Variants in POU2F1 observed in about 807,000 individuals in gnomAD.
POU2F1 encodes POU class 2 homeobox 1, also known as POU domain, class 2, transcription factor 1.
Under a neutral mutation model 84.9 loss-of-function variants are expected in POU2F1, and 16 were observed. That is an observed-to-expected ratio of 0.19 (90% CI 0.13 to 0.29). The LOEUF (loss-of-function observed/expected upper bound fraction) is 0.29. POU2F1 is among the 10% of genes least tolerant of loss of function. The pLI, the probability that POU2F1 is intolerant of heterozygous loss-of-function variation, is 1.00. For missense variants in POU2F1, 738 were observed against 942.6 expected (o/e 0.78, Z 2.84); for synonymous variants, 368 against 368.3 (o/e 1.00, Z 0.01).
chr1:167,371,288 T>C (rs528723165), intron 4 of POU2F1, among the ~76,000 whole-genome samples: 2 of 152,354 alleles, frequency 1.3e-5, no homozygotes, highest in African/African-American at 4.8e-5. Context: ...GCATTTATGT[T>C]AATTAGCCTT....
At chr1:167,401,608 G>C (rs1358118848) in intron 13 of POU2F1, 52 bp downstream of exon 13, 1 of 1,292,348 alleles carries the variant, frequency 7.7e-7, no homozygotes, top group African/African-American at 1.5e-5. Flanking sequence ...GGCCCGTTTT[G>C]GGTTATTATA....
chr1:167,378,964 C>T (rs1280572933), intron 7 of POU2F1: 1 of 151,898 alleles, frequency 6.6e-6, no homozygotes, highest in African/African-American at 2.4e-5. Flanking sequence ...TGCTCTGTCA[C>T]CCAGGCTGGA....
chr1:167,312,751 C>A (rs1416781232), intron 1 of POU2F1, among the ~76,000 whole-genome samples: 1 of 152,170 alleles, frequency 6.6e-6, no homozygotes, highest in African/African-American at 2.4e-5. Flanking sequence ...CAATTTTAGT[C>A]CTGCAAGTCC....
intron 2 of POU2F1, among the ~76,000 whole-genome samples, chr1:167,349,450 T>C (rs944192003): frequency 6.6e-6 from 1 of 152,210 alleles, no homozygotes; most frequent in Non-Finnish European, 1.5e-5. Flanking sequence ...ATATTCAATA[T>C]TTTTTCATTT....
rs1240179007 is a variant in POU2F1, at chr1:167,373,968, A to G, written c.403-140A>G. On this transcript the variant is annotated intron_variant, in intron 5 of 15. Coordinates refer to ENST00000367866, the MANE Select transcript of POU2F1 (RefSeq NM_002697.4). Reference sequence around the variant, plus strand: ...AATGGTAGTTTGATCACTGATGAACATTTTAGCTGTCTGCTAAGCAAGTGA... The same window carrying G: ...AATGGTAGTTTGATCACTGATGAACGTTTTAGCTGTCTGCTAAGCAAGTGA... The G allele has an allele frequency of 1.8e-5, 13 of 728,296 alleles. No homozygotes were observed. In the Admixed American group the frequency reaches 2.4e-4, roughly 13 times the overall value. 45.1% of individuals were successfully genotyped at this position (728,296 alleles called of 1,614,324 possible). A position where few individuals can be genotyped will look rare whatever the true frequency, so the allele number is the denominator to read the frequency against.
At chr1:167,344,759 A>C (rs1470487977) in intron 2 of POU2F1, among the ~76,000 whole-genome samples, 4 of 152,182 alleles carry the variant, frequency 2.6e-5, no homozygotes, top group Non-Finnish European at 5.9e-5. Context: ...ATGATAGAGA[A>C]GGAAAGAATG....
At chr1:167,268,789 G>A (rs1335402964) in intron 1 of POU2F1, among the ~76,000 whole-genome samples, 2 of 152,164 alleles carry the variant, frequency 1.3e-5, no homozygotes, top group Non-Finnish European at 2.9e-5. Flanking sequence ...CTCACAAGAA[G>A]GGAAAATGAG....
rs1262105178 is a variant in POU2F1, at chr1:167,425,996, A to T, written c.*10186A>T. On this transcript the variant is annotated 3_prime_UTR_variant, in exon 16 of 16. Transcript: ENST00000367866. ...GATTGCAAATGAAGGAACTTTTTAC[A>T]TGGATCTTTTTAATCTCAGTTGGTT... 7.6e-6 allele frequency: 1 copy of T among 132,202 alleles called. No homozygotes were observed. Among genetic ancestry groups the T allele is most frequent in the East Asian group, 2.6e-4 (1 of 3,840 alleles). 8.2% of individuals were successfully genotyped at this position (132,202 alleles called of 1,614,324 possible). A position where few individuals can be genotyped will look rare whatever the true frequency, so the allele number is the denominator to read the frequency against.
Position 167,424,050 on chromosome 1 carries a change from A to G in POU2F1, c.*8240A>G, listed in dbSNP as rs1350954982. On this transcript the variant is annotated 3_prime_UTR_variant, in exon 16 of 16. Transcript: ENST00000367866. The stretch of plus-strand genomic sequence containing the variant: ...ATAGGAAGAAATGAAATGCACTTTC[A>G]GAAGCTAAAATGACAGTGTCTGCTA... The G allele has an allele frequency of 6.6e-6, 1 of 152,286 alleles. No individual in the cohort carries two copies. The highest frequency in any genetic ancestry group is 1.5e-5 in the Non-Finnish European group (1 of 68,062). The allele number at this position is 152,286 out of a possible 1,614,324, so 9.4% of individuals were successfully genotyped here.
intron 14 of POU2F1, 91 bp downstream of exon 14, chr1:167,412,395 G>T: frequency 1.8e-6 from 2 of 1,133,180 alleles, no homozygotes; most frequent in Non-Finnish European, 2.4e-6. Context: ...GACTTAGATG[G>T]GGAAAAAAAT....
intron 3 of POU2F1, 97 bp downstream of exon 3, chr1:167,365,664 A>G: frequency 1.2e-6 from 1 of 835,622 alleles, no homozygotes; most frequent in Non-Finnish European, 1.8e-6. Flanking sequence ...GACCTTTTAA[A>G]TTATTTAAAG....
At chr1:167,276,588 G>A (rs575457385) in intron 1 of POU2F1, among the ~76,000 whole-genome samples, 10 of 152,198 alleles carry the variant, frequency 6.6e-5, no homozygotes, top group African/African-American at 1.9e-4. Context: ...TTTTTAGGAC[G>A]TTATTTCCTG....
chr1:167,399,798 C>CG (rs1553222018), intron 12 of POU2F1, among the ~76,000 whole-genome samples: 80 of 150,552 alleles, frequency 5.3e-4, no homozygotes, highest in Non-Finnish European at 8.9e-5. Flanking sequence ...CTTGGCCTCC[C>CG]GAGTAGCTGG....
chr1:167,231,584 A>G (rs1649065123), intron 1 of POU2F1, among the ~76,000 whole-genome samples: 1 of 152,250 alleles, frequency 6.6e-6, no homozygotes, highest in Non-Finnish European at 1.5e-5. Context: ...ACAAATATTT[A>G]TAGAGCTTCT....
Position 167,389,592 on chromosome 1 carries a change from C to T in POU2F1, c.818C>T (p.Ala273Val), listed in dbSNP as rs1571423704. Residue 273 changes from alanine to valine, a missense_variant, in exon 9 of 16, where the codon GCA becomes GTA. By Grantham distance (64) the Ala-to-Val change is moderately conservative. This residue lies in a region of POU2F1 where 163 missense variants were observed against 214.4 expected (regional missense o/e 0.76). Coordinates refer to ENST00000367866, the MANE Select transcript of POU2F1 (RefSeq NM_002697.4). ...GTTTTATTCTTTCTCCAACAGCCAG[C>T]AACCCCAACACGCACAATAGCAGCA... ...QPSITLTSQP[A>V]TPTRTIAATP... The T allele has an allele frequency of 6.2e-7, 1 of 1,614,074 alleles. No individual in the cohort carries two copies. Among genetic ancestry groups the T allele is most frequent in the South Asian group, 1.1e-5 (1 of 91,072 alleles).
intron 1 of POU2F1, among the ~76,000 whole-genome samples, chr1:167,256,296 G>T (rs1027128148): frequency 6.6e-6 from 1 of 151,986 alleles, no homozygotes; most frequent in African/African-American, 2.4e-5. Context: ...GGTTGTGAAG[G>T]CATTGCCTGA....
In POU2F1 at chr1:167,251,655, G is replaced by A. The variant is rs141508703; in HGVS notation, c.61+30697G>A. Among the ~76,000 whole-genome samples, 63 of 152,152 alleles carry A rather than the reference G, an allele frequency of 4.1e-4. No homozygotes were observed. The East Asian group carries it at 9.1e-3, about 22-fold the overall frequency. On this transcript the variant is annotated intron_variant, in intron 1 of 15. Coordinates refer to ENST00000367866, the MANE Select transcript of POU2F1 (RefSeq NM_002697.4). The stretch of plus-strand genomic sequence containing the variant: ...TTCCATTAAAGGGCTCATACTTCTT[G>A]GAACTTCTGGTCTGACAGGCTGATC...
intron 1 of POU2F1, 41 bp from the exon 2 acceptor site, chr1:167,332,429 C>G: frequency 6.6e-7 from 1 of 1,516,974 alleles, no homozygotes; most frequent in Non-Finnish European, 9.1e-7. Context: ...ATCTCCATCC[C>G]CAGTTTTTTA....
chr1:167,425,751 C>G lies in POU2F1; in HGVS notation c.*9941C>G, dbSNP rs996219922. 1 of 152,236 alleles carries G rather than the reference C, an allele frequency of 6.6e-6. No individual in the cohort carries two copies. The highest frequency in any genetic ancestry group is 2.4e-5 in the African/African-American group (1 of 41,448). The allele number at this position is 152,236 out of a possible 1,614,324, so 9.4% of individuals were successfully genotyped here. ...TCTGGGGCTGGGCGAATGCACGCCA[C>G]GGTGCCCTTCTGAGCCTTTTTTTCT... is the stretch of plus-strand genomic sequence containing the variant. On this transcript the variant is annotated 3_prime_UTR_variant, in exon 16 of 16. Transcript: ENST00000367866.
Sources: allele counts gnomAD v4.1 joint callset (sites outside exome capture counted in the v4.1 genomes callset), GRCh38; gene constraint gnomAD v4.1.1; regional missense constraint gnomAD v4.1.1; transcripts MANE v1.5; gene names NCBI Gene and HGNC (gene_info 2026-07-23, HGNC 2026-07-21).